The following BCAS1 variants were observed in gnomAD, a reference collection of about 807,000 sequenced individuals.
The protein encoded by BCAS1 is brain enriched myelin associated protein 1, also known as breast carcinoma-amplified sequence 1.
Under a neutral mutation model 65.4 loss-of-function variants are expected in BCAS1, and 46 were observed. That is an observed-to-expected ratio of 0.70 (90% CI 0.55 to 0.90). The LOEUF (loss-of-function observed/expected upper bound fraction) is 0.90, where lower values mean the gene tolerates loss of function less well. BCAS1 is among the 40% of genes least tolerant of loss of function. The pLI, the probability that BCAS1 is intolerant of heterozygous loss-of-function variation, is 0.00. For synonymous variants in BCAS1, 298 were observed against 293.5 expected (o/e 1.02, Z -0.16); for missense variants, 793 against 771.2 (o/e 1.03, Z -0.33).
At position 54,049,831 on chromosome 20, in the gene BCAS1, C is replaced by T. The variant is rs190643508; in HGVS notation, c.142+8254G>A. On this transcript the variant is annotated intron_variant, in intron 3 of 12. Transcript: ENST00000688948. ...TTATTCCAGTTTTACAGATGAGACTCAGAATAAACTTCCTTGCCAAGGTTG... is the reference window on the plus strand; with the variant it reads ...TTATTCCAGTTTTACAGATGAGACTTAGAATAAACTTCCTTGCCAAGGTTG... Among the ~76,000 whole-genome samples, 4 of 152,324 alleles carry T rather than the reference C, an allele frequency of 2.6e-5. No homozygotes were observed. The East Asian group carries it at 7.7e-4, about 29-fold the overall frequency.
chr20:54,005,904 G>T (rs1205328005), intron 4 of BCAS1, among the ~76,000 whole-genome samples: 1 of 152,148 alleles, frequency 6.6e-6, no homozygotes, highest in East Asian at 1.9e-4. Flanking sequence ...GGTTTAGGGG[G>T]CAGGTTATTC....
chr20:54,068,255 A>G (rs920119740), intron 1 of BCAS1, among the ~76,000 whole-genome samples: 1 of 152,182 alleles, frequency 6.6e-6, no homozygotes, highest in African/African-American at 2.4e-5. Context: ...GTACTTAATT[A>G]TGTTTGCACA....
chr20:53,988,960 T>A (rs2090683422), intron 7 of BCAS1, among the ~76,000 whole-genome samples: 1 of 152,150 alleles, frequency 6.6e-6, no homozygotes, highest in Admixed American at 6.5e-5. Flanking sequence ...ATTCCACCCA[T>A]CAGTGAGGGA....
chr20:54,014,946 T>C (rs2091402741), intron 4 of BCAS1, among the ~76,000 whole-genome samples: 1 of 152,168 alleles, frequency 6.6e-6, no homozygotes, highest in South Asian at 2.1e-4. Context: ...TGTCCCCCAA[T>C]TTGCCTAGAA....
intron 4 of BCAS1, among the ~76,000 whole-genome samples, chr20:54,005,640 T>C (rs1480890160): frequency 6.6e-6 from 1 of 152,166 alleles, no homozygotes; most frequent in Non-Finnish European, 1.5e-5. Flanking sequence ...GAGGCGAGGC[T>C]CAGATGTCAA....
intron 3 of BCAS1, chr20:54,029,328 T>C (rs1021034335): frequency 1.4e-6 from 1 of 714,888 alleles, no homozygotes; most frequent in Non-Finnish European, 1.7e-6. Flanking sequence ...AGTTAGGAGC[T>C]TGGGTTCTGG....
chr20:53,959,986 G>A (rs1254160482), intron 10 of BCAS1, among the ~76,000 whole-genome samples: 1 of 152,160 alleles, frequency 6.6e-6, no homozygotes, highest in Non-Finnish European at 1.5e-5. Context: ...CTTTGGACAC[G>A]TAAGGATTTC....
chr20:54,049,218 A>G (rs530172999), intron 3 of BCAS1, among the ~76,000 whole-genome samples: 1 of 152,310 alleles, frequency 6.6e-6, no homozygotes, highest in African/African-American at 2.4e-5. Context: ...TCTTTTTTTT[A>G]AGAAAAGCAA....
intron 11 of BCAS1, among the ~76,000 whole-genome samples, chr20:53,954,929 C>T (rs1056266260): frequency 6.6e-6 from 1 of 152,158 alleles, no homozygotes; most frequent in Admixed American, 6.5e-5. Flanking sequence ...TTCAAGACAA[C>T]CTTGAAATTA....
intron 4 of BCAS1, among the ~76,000 whole-genome samples, chr20:54,027,812 A>C (rs561920294): frequency 3.4e-4 from 51 of 151,828 alleles, no homozygotes; most frequent in African/African-American, 1.2e-3. Context: ...ACAAAAAAAA[A>C]ACCCAAAACC....
intron 8 of BCAS1, among the ~76,000 whole-genome samples, chr20:53,982,044 G>C (rs539695357): frequency 6.6e-6 from 1 of 152,052 alleles, no homozygotes; most frequent in African/African-American, 2.4e-5. Context: ...TACAATTATT[G>C]GTTTCTTATA....
chr20:54,062,741 C>G (rs773466253), intron 1 of BCAS1, among the ~76,000 whole-genome samples: 1 of 152,146 alleles, frequency 6.6e-6, no homozygotes, highest in African/African-American at 2.4e-5. Context: ...AGTAGCCTCT[C>G]GGCCACTTCA....
chr20:54,001,887 G>C (rs1433494805), intron 4 of BCAS1, among the ~76,000 whole-genome samples: 1 of 152,104 alleles, frequency 6.6e-6, no homozygotes, highest in Non-Finnish European at 1.5e-5. Context: ...GACCAAAATC[G>C]TGTCTAGTCT....
chr20:53,946,524 C>T (rs1240005493), intron 12 of BCAS1, among the ~76,000 whole-genome samples: 1 of 137,844 alleles, frequency 7.3e-6, no homozygotes, highest in Admixed American at 7.2e-5. Flanking sequence ...TATATATACA[C>T]ACACACATAG....
chr20:54,058,611 TTTC>T (rs1395757130), intron 2 of BCAS1, 33 bp downstream of exon 2: 2 of 1,534,610 alleles, frequency 1.3e-6, no homozygotes, highest in Non-Finnish European at 1.7e-6. Flanking sequence ...TTTTTTTTTT[TTTC>T]TGCTGATGCC....
intron 4 of BCAS1, among the ~76,000 whole-genome samples, chr20:54,003,933 T>C (rs1328074043): frequency 6.6e-6 from 1 of 152,242 alleles, no homozygotes; most frequent in Non-Finnish European, 1.5e-5. Flanking sequence ...GCTGGTTGAT[T>C]AGAAGGATGG....
At chr20:53,994,954 C>A (rs2090865907) in intron 6 of BCAS1, 58 bp downstream of exon 6, 19 of 1,477,588 alleles carry the variant, frequency 1.3e-5, no homozygotes, top group Non-Finnish European at 1.7e-5. Flanking sequence ...AGACACAAAT[C>A]CAAATCCAAT....
In BCAS1 at chr20:54,028,517, G is replaced by T; in HGVS notation, c.598C>A (p.Leu200Met). The change falls in exon 4 of 13, where the codon CTG (leucine) becomes ATG (methionine). Residue 200 changes from leucine (L) to methionine (M), a missense_variant. Leu to Met is a conservative substitution (Grantham distance 15). Transcript: ENST00000688948. ...DSSFFDKFFK[L>M]DKGQEKVPGD... ...GGCACCTTTTCCTGTCCCTTGTCCA[G>T]CTTGAAGAATTTGTCAAAAAAGCTG... The T allele has an allele frequency of 1.2e-6, 2 of 1,614,166 alleles. No homozygotes were observed. The highest frequency in any genetic ancestry group is 8.5e-7 in the Non-Finnish European group (1 of 1,180,040).
chr20:54,020,012 G>A (rs2091523015), intron 4 of BCAS1, among the ~76,000 whole-genome samples: 1 of 152,116 alleles, frequency 6.6e-6, no homozygotes, highest in Non-Finnish European at 1.5e-5. Context: ...TCACATATAC[G>A]TCTATCCTAT....
Sources: gnomAD v4.1 joint callset for allele counts (sites outside exome capture counted in the v4.1 genomes callset) on GRCh38, gnomAD v4.1.1 for gene constraint, MANE v1.5 for transcripts, NCBI Gene and HGNC (gene_info 2026-07-23, HGNC 2026-07-21) for gene names.